Variants in EIF2AK1 observed in about 807,000 individuals in gnomAD.
EIF2AK1 encodes eukaryotic translation initiation factor 2-alpha kinase 1.
A neutral mutation model predicts 77.9 loss-of-function variants in EIF2AK1; 54 were observed. The observed-to-expected ratio is 0.69, with a 90% confidence interval of 0.56 to 0.87. The LOEUF (loss-of-function observed/expected upper bound fraction) is 0.87. EIF2AK1 is among the 40% of genes least tolerant of loss of function. The pLI, the probability that EIF2AK1 is intolerant of heterozygous loss-of-function variation, is 0.00. For synonymous variants in EIF2AK1, 314 were observed against 290.5 expected, an observed-to-expected ratio of 1.08 and a Z score of -0.82; for missense variants, 810 against 768.6, an observed-to-expected ratio of 1.05 and a Z score of -0.64.
Position 6,027,458 on chromosome 7 carries a change from T to TA in EIF2AK1, c.1531-498_1531-497insT. Among the ~76,000 whole-genome samples, 1 of 152,280 alleles carries TA rather than the reference T, an allele frequency of 6.6e-6. No homozygotes were observed. The highest frequency in any genetic ancestry group is 3.4e-3 in the Middle Eastern group (1 of 294). ...AGGAAGGTCTTCACTAAACAAGATT[T>TA]TAGGGGCAGCCATCATTTTTTCTGA... On this transcript the variant is annotated intron_variant, in intron 13 of 14. Transcript: ENST00000199389. The surrounding 1 kb of genome is among the most constrained non-coding windows in gnomAD (Gnocchi z 4.5).
chr7:6,023,160 C>T lies in EIF2AK1; in HGVS notation c.*1513G>A. ...CAGTAGTAAGCATCTTAGAGACAGA[C>T]TGAAAATGTGATGTTCTTCTTGAAA... On this transcript the variant is annotated 3_prime_UTR_variant, in exon 15 of 15. Transcript: ENST00000199389. 2.0e-6 allele frequency: 2 copies of T among 982,404 alleles called. No individual in the cohort carries two copies. The highest frequency in any genetic ancestry group is 2.9e-6 in the Non-Finnish European group (2 of 683,464). 60.9% of individuals were successfully genotyped at this position (982,404 alleles called of 1,614,324 possible).
chr7:6,022,844 G>A lies in EIF2AK1; in HGVS notation c.*1829C>T, dbSNP rs1260838388. 2 of 161,212 alleles carry A rather than the reference G, an allele frequency of 1.2e-5. No individual in the cohort carries two copies. Among genetic ancestry groups the A allele is most frequent in the Non-Finnish European group, 2.7e-5 (2 of 73,358 alleles). 10.0% of individuals were successfully genotyped at this position (161,212 alleles called of 1,614,324 possible). A position where few individuals can be genotyped will look rare whatever the true frequency, so the allele number is the denominator to read the frequency against. ...TGGCCATATAAAGATAGGATGTTAT[G>A]TATTGACTATCCCACAGATGTATGC... On this transcript the variant is annotated 3_prime_UTR_variant, in exon 15 of 15. Transcript: ENST00000199389.
chr7:6,049,837 A>G, intron 3 of EIF2AK1, 75 bp downstream of exon 3: 1 of 1,389,560 alleles, frequency 7.2e-7, no homozygotes, highest in East Asian at 2.5e-5. Flanking sequence ...AGAATTTCAC[A>G]GTGCTTTAAA....
In EIF2AK1 at chr7:6,042,845, G is replaced by A. The variant is rs562660291; in HGVS notation, c.791+88C>T. The A allele has an allele frequency of 8.5e-5, 95 of 1,121,326 alleles. 1 individual carries two copies. The highest frequency in any genetic ancestry group is 2.7e-4 in the South Asian group (20 of 73,476). 69.5% of individuals were successfully genotyped at this position (1,121,326 alleles called of 1,614,324 possible). The stretch of plus-strand genomic sequence containing the variant: ...TGTGCCACTGCACTCTAGTCTGGGT[G>A]ACAGAGCGAGACTCTGTCGCCAAAA... On this transcript the variant is annotated intron_variant, in intron 8 of 14. Coordinates refer to ENST00000199389, the MANE Select transcript of EIF2AK1 (RefSeq NM_014413.4).
chr7:6,026,854 C>T lies in EIF2AK1; in HGVS notation c.1638G>A (p.Pro546=), dbSNP rs769767887. The T allele has an allele frequency of 4.4e-5, 71 of 1,614,010 alleles. No individual in the cohort carries two copies. The South Asian group carries it at 4.6e-4, about 10-fold the overall frequency. Residue 546 remains proline, a synonymous_variant, in exon 14 of 15, where the codon CCG becomes CCA. Coordinates refer to ENST00000199389, the MANE Select transcript of EIF2AK1 (RefSeq NM_014413.4). The stretch of plus-strand genomic sequence containing the variant: ...CTGGACACCTTTTACGGAGGGATTC[C>T]GGCAACTGACCAGTTCTTAAACCTG... ...VLTGLRTGQL[P]ESLRKRCPVQ...
At chr7:6,038,070 T>A (rs190903967) in intron 10 of EIF2AK1, among the ~76,000 whole-genome samples, 104 of 152,298 alleles carry the variant, frequency 6.8e-4, no homozygotes, top group African/African-American at 2.5e-3. Context: ...TTAATTCATC[T>A]ATTAATATGA....
intron 2 of EIF2AK1, 28 bp from the exon 3 acceptor site, chr7:6,050,073 T>G (rs1416092166): frequency 1.3e-6 from 2 of 1,573,356 alleles, no homozygotes; most frequent in South Asian, 2.3e-5. Flanking sequence ...AAAACTATTA[T>G]TAGAAACATC....
chr7:6,056,143 A>C (rs1444849995), intron 1 of EIF2AK1, among the ~76,000 whole-genome samples: 2 of 149,030 alleles, frequency 1.3e-5, no homozygotes, highest in African/African-American at 2.5e-5. Flanking sequence ...AAATACAAAA[A>C]TTAGGTGAGC....
At chr7:6,046,875 TG>T in intron 5 of EIF2AK1, 116 bp downstream of exon 5, 1 of 965,474 alleles carries the variant, frequency 1.0e-6, no homozygotes, top group Non-Finnish European at 1.5e-6. Flanking sequence ...CACTCCAGCC[TG>T]GCGACAGAGC....
chr7:6,040,362 T>A (rs74302792), intron 9 of EIF2AK1, among the ~76,000 whole-genome samples: 20,355 of 152,160 alleles, frequency 0.13, 1,755 homozygotes, highest in East Asian at 0.33. Flanking sequence ...CTAATGTTCA[T>A]GTTTTTAATA....
Position 6,023,349 on chromosome 7 carries a change from C to T in EIF2AK1, c.*1324G>A, listed in dbSNP as rs751740812. ...TCAGCATCCAGACGATGTGCCCCATCGAAGGCGAAGGGAACATTGCACGTT... is the reference window on the plus strand; with the variant it reads ...TCAGCATCCAGACGATGTGCCCCATTGAAGGCGAAGGGAACATTGCACGTT... On this transcript the variant is annotated 3_prime_UTR_variant, in exon 15 of 15. Coordinates refer to ENST00000199389, the MANE Select transcript of EIF2AK1 (RefSeq NM_014413.4). 11 of 1,611,036 alleles carry T rather than the reference C, an allele frequency of 6.8e-6. No individual in the cohort carries two copies. Among genetic ancestry groups the T allele is most frequent in the East Asian group, 6.7e-5 (3 of 44,894 alleles).
intron 1 of EIF2AK1, among the ~76,000 whole-genome samples, chr7:6,055,661 A>T (rs1235015556): frequency 1.1e-3 from 162 of 145,612 alleles, no homozygotes; most frequent in Non-Finnish European, 1.5e-3. Context: ...TTTATTTAAG[A>T]CATGACTAAA....
Position 6,023,350 on chromosome 7 carries a change from G to T in EIF2AK1, c.*1323C>A. On this transcript the variant is annotated 3_prime_UTR_variant, in exon 15 of 15. Transcript: ENST00000199389. ...CAGCATCCAGACGATGTGCCCCATC[G>T]AAGGCGAAGGGAACATTGCACGTTT... The T allele has an allele frequency of 1.2e-6, 2 of 1,611,378 alleles. No homozygotes were observed. The highest frequency in any genetic ancestry group is 1.7e-6 in the Non-Finnish European group (2 of 1,179,222).
chr7:6,041,249 A>C (rs1425586614), intron 8 of EIF2AK1, 30 bp from the exon 9 acceptor site: 1 of 1,573,242 alleles, frequency 6.4e-7, no homozygotes, highest in Admixed American at 1.9e-5. Context: ...TAAACATAAA[A>C]GTCAATGGGC....
At chr7:6,040,703 C>T (rs571309815) in intron 9 of EIF2AK1, among the ~76,000 whole-genome samples, 189 bp downstream of exon 9, 29 of 152,128 alleles carry the variant, frequency 1.9e-4, no homozygotes, top group East Asian at 1.5e-3. Context: ...CAGAAAAGGA[C>T]GTGGAGGAGT....
intron 9 of EIF2AK1, 48 bp from the exon 10 acceptor site, chr7:6,038,719 C>T (rs1162153496): frequency 3.4e-6 from 5 of 1,469,094 alleles, no homozygotes; most frequent in Admixed American, 3.8e-5. Flanking sequence ...GATTCACTCG[C>T]ATTATTCATT....
chr7:6,031,504 G>A (rs1009649860), intron 11 of EIF2AK1: 14 of 1,550,522 alleles, frequency 9.0e-6, no homozygotes, highest in Middle Eastern at 1.7e-4. Context: ...ACTGCACTAC[G>A]ATCGAGGTAC....
At chr7:6,024,856 T>G in intron 14 of EIF2AK1, 55 bp from the exon 15 acceptor site, 1 of 1,196,894 alleles carries the variant, frequency 8.4e-7, no homozygotes. Flanking sequence ...TTTTTTTTTT[T>G]GAGACAGAGT....
intron 10 of EIF2AK1, among the ~76,000 whole-genome samples, 184 bp downstream of exon 10, chr7:6,038,376 A>G (rs1032646796): frequency 6.6e-6 from 1 of 152,212 alleles, no homozygotes; most frequent in Admixed American, 6.5e-5. Context: ...CCAAGGCTAT[A>G]GTAAGCAGTG....
Sources: gnomAD v4.1 joint callset for allele counts (sites outside exome capture counted in the v4.1 genomes callset) on GRCh38, gnomAD v4.1.1 for gene constraint, Gnocchi (gnomAD v3.1) non-coding constraint, MANE v1.5 for transcripts, NCBI Gene and HGNC (gene_info 2026-07-23, HGNC 2026-07-21) for gene names.